GYPC: variants seen among roughly 807,000 people sequenced by gnomAD.
GYPC encodes glycophorin C (Gerbich blood group).
A neutral mutation model predicts 12.6 loss-of-function variants in GYPC; 14 were observed. The ratio of observed to expected loss-of-function variants is 1.11; its 90% CI spans 0.74 to 1.74. The LOEUF is 1.74. Ranked by LOEUF, GYPC falls within the 40% of genes most tolerant of loss-of-function variation. The probability of loss-of-function intolerance (pLI) is 0.00; values close to 1 mark genes in which losing one functional copy is unlikely to be tolerated. For synonymous variants in GYPC, 78 were observed against 62.1 expected, an observed-to-expected ratio of 1.26 and a Z score of -1.20; for missense variants, 225 against 172.1, an observed-to-expected ratio of 1.31 and a Z score of -1.72.
chr2:126,659,476 C>G (rs28387091), intron 1 of GYPC, among the ~76,000 whole-genome samples: 5,966 of 152,290 alleles, frequency 0.039, 176 homozygotes, highest in Middle Eastern at 0.078. Flanking sequence ...CCTCAGTTTT[C>G]CCATCTGTGA....
chr2:126,656,234 C>T lies in GYPC; in HGVS notation c.-30C>T. On this transcript the variant is annotated 5_prime_UTR_variant, in exon 1 of 4. Transcript: ENST00000259254. ...GGCCTGGCCCGGCCTGGCCAGTCCCCGCGGTCTCTGCCCGGGCTGACGCCC... is the reference window on the plus strand; with the variant it reads ...GGCCTGGCCCGGCCTGGCCAGTCCCTGCGGTCTCTGCCCGGGCTGACGCCC... 3 of 1,591,796 alleles carry T rather than the reference C, an allele frequency of 1.9e-6. No individual in the cohort carries two copies. The highest frequency in any genetic ancestry group is 1.3e-5 in the African/African-American group (1 of 74,234).
rs1682347380 is a variant in GYPC, at chr2:126,656,236, C to G, written c.-28C>G. On this transcript the variant is annotated 5_prime_UTR_variant, in exon 1 of 4. Transcript: ENST00000259254. Reference sequence around the variant, plus strand: ...CCTGGCCCGGCCTGGCCAGTCCCCGCGGTCTCTGCCCGGGCTGACGCCCAG... The same window carrying G: ...CCTGGCCCGGCCTGGCCAGTCCCCGGGGTCTCTGCCCGGGCTGACGCCCAG... 7.5e-6 allele frequency: 12 copies of G among 1,593,050 alleles called. No homozygotes were observed. The highest frequency in any genetic ancestry group is 1.0e-5 in the Non-Finnish European group (12 of 1,172,222).
At chr2:126,677,298 AGTGTGTGAGT>A (rs1683019144) in intron 1 of GYPC, among the ~76,000 whole-genome samples, 3 of 149,276 alleles carry the variant, frequency 2.0e-5, no homozygotes, top group South Asian at 4.3e-4. Context: ...AGTGTGTTAG[AGTGTGTGAGT>A]GTGTGTGAGA....
At chr2:126,662,781 A>G (rs1057469840) in intron 1 of GYPC, among the ~76,000 whole-genome samples, 7 of 152,138 alleles carry the variant, frequency 4.6e-5, no homozygotes, top group Non-Finnish European at 8.8e-5. Flanking sequence ...TCACAGATAA[A>G]CATCCTAGTG....
At chr2:126,661,763 T>A (rs1221574225) in intron 1 of GYPC, among the ~76,000 whole-genome samples, 1 of 152,218 alleles carries the variant, frequency 6.6e-6, no homozygotes, top group African/African-American at 2.4e-5. Context: ...GCCTACCAGA[T>A]GCCCCTTCTC....
chr2:126,687,224 T>C (rs1683316841), intron 1 of GYPC, among the ~76,000 whole-genome samples: 1 of 152,220 alleles, frequency 6.6e-6, no homozygotes, highest in Non-Finnish European at 1.5e-5. Flanking sequence ...ATAGGCTTTG[T>C]GCAGCAAACT....
At chr2:126,662,246 C>T (rs532688131) in intron 1 of GYPC, among the ~76,000 whole-genome samples, 2 of 152,294 alleles carry the variant, frequency 1.3e-5, no homozygotes, top group African/African-American at 2.4e-5. Context: ...GGTGTGGGGC[C>T]CAGCCAAGCC....
intron 1 of GYPC, chr2:126,686,728 C>T: frequency 2.0e-6 from 2 of 981,422 alleles, no homozygotes; most frequent in Non-Finnish European, 2.4e-6. Context: ...TGGGTCTTTC[C>T]AAAAAATAGG....
chr2:126,695,188 T>C (rs10184704), intron 3 of GYPC, among the ~76,000 whole-genome samples: 41,106 of 152,078 alleles, frequency 0.27, 6,117 homozygotes, highest in East Asian at 0.41. Context: ...CTCATCTTTT[T>C]TCCCCCTGTA....
intron 1 of GYPC, among the ~76,000 whole-genome samples, chr2:126,664,253 T>C (rs1682621018): frequency 6.6e-6 from 1 of 152,004 alleles, no homozygotes; most frequent in Non-Finnish European, 1.5e-5. Flanking sequence ...TCCTGAGCCA[T>C]CCTCCTCATC....
chr2:126,658,024 T>A (rs1353550800), intron 1 of GYPC: 3 of 152,474 alleles, frequency 2.0e-5, no homozygotes, highest in Non-Finnish European at 4.4e-5. Flanking sequence ...CGGCCTGCTC[T>A]GCTCAGCTCA....
At chr2:126,684,948 C>T (rs1683244061) in intron 1 of GYPC, among the ~76,000 whole-genome samples, 1 of 152,192 alleles carries the variant, frequency 6.6e-6, no homozygotes, top group Non-Finnish European at 1.5e-5. Flanking sequence ...CTCCTCTCCC[C>T]TGTAACTCTG....
intron 2 of GYPC, among the ~76,000 whole-genome samples, chr2:126,692,936 G>T (rs1315663030): frequency 3.3e-5 from 5 of 152,302 alleles, no homozygotes; most frequent in African/African-American, 9.6e-5. Flanking sequence ...GAACCTTGGT[G>T]TTCTTCCTGT....
intron 1 of GYPC, among the ~76,000 whole-genome samples, chr2:126,666,361 C>T (rs1379751889): frequency 2.6e-5 from 4 of 152,156 alleles, no homozygotes; most frequent in African/African-American, 9.7e-5. Context: ...ACAAGCCAGC[C>T]GGAGGATCAT....
At chr2:126,689,329 T>C (rs1358410561) in intron 1 of GYPC, among the ~76,000 whole-genome samples, 1 of 152,184 alleles carries the variant, frequency 6.6e-6, no homozygotes, top group African/African-American at 2.4e-5. Context: ...CTTGGTGTTC[T>C]TCCTGTGAGA....
At chr2:126,677,075 T>C (rs970625372) in intron 1 of GYPC, among the ~76,000 whole-genome samples, 2 of 152,156 alleles carry the variant, frequency 1.3e-5, no homozygotes, top group Non-Finnish European at 2.9e-5. Flanking sequence ...TATCTTCCCA[T>C]AGACCAAGTC....
At chr2:126,680,488 G>C (rs1006824334) in intron 1 of GYPC, 1 of 152,230 alleles carries the variant, frequency 6.6e-6, no homozygotes, top group Non-Finnish European at 1.5e-5. Flanking sequence ...CCCCTGAGAG[G>C]ACAGCTGAGT....
chr2:126,671,084 C>T (rs1682841404), intron 1 of GYPC, among the ~76,000 whole-genome samples: 1 of 152,126 alleles, frequency 6.6e-6, no homozygotes, highest in Admixed American at 6.5e-5. Flanking sequence ...GAAAAATCCA[C>T]CCTGAGGTCA....
At chr2:126,656,341 G>C (rs758375994) in intron 1 of GYPC, 29 bp downstream of exon 1, 3 of 1,563,446 alleles carry the variant, frequency 1.9e-6, no homozygotes, top group Non-Finnish European at 8.7e-7. Flanking sequence ...GAAGGGTCCT[G>C]GGGACCCACT....
Sources: gnomAD v4.1 joint callset for allele counts (sites outside exome capture counted in the v4.1 genomes callset) on GRCh38, gnomAD v4.1.1 for gene constraint, MANE v1.5 for transcripts, NCBI Gene and HGNC (gene_info 2026-07-23, HGNC 2026-07-21) for gene names.